The following EP400 variants were observed in gnomAD, a reference collection of about 807,000 sequenced individuals.
EP400 encodes the protein E1A binding protein p400.
In EP400, 105 loss-of-function variants were observed where a neutral mutation model predicts 354.1. The ratio of observed to expected loss-of-function variants is 0.30; its 90% confidence interval spans 0.25 to 0.35. The LOEUF (loss-of-function observed/expected upper bound fraction) is 0.35. Among genes scored for constraint, EP400 ranks in the 10% least tolerant of loss-of-function variants. The pLI, the probability that EP400 is intolerant of heterozygous loss-of-function variation, is 1.00. For missense variants in EP400, 3,280 were observed against 4,121.0 expected (o/e 0.80, Z 5.59); for synonymous variants, 1,646 against 1,716.9 (o/e 0.96, Z 1.02).
At position 132,011,560 on chromosome 12, in the gene EP400, T is replaced by C. The variant is rs1893765976; in HGVS notation, c.3367T>C (p.Leu1123=). 5.6e-6 allele frequency: 9 copies of C among 1,614,158 alleles called. No individual in the cohort carries two copies. Among genetic ancestry groups the C allele is most frequent in the Non-Finnish European group, 7.6e-6 (9 of 1,180,024 alleles). ...SCNILKWELE[L]KRWCPGLKIL... ...TAACATACTCAAGTGGGAGCTTGAA[T>C]TGAAACGTTGGTGTCCCGGACTCAA... The change falls in exon 16 of 53, where the codon TTG becomes CTG. Residue 1123 remains leucine (L), a synonymous_variant. Transcript: ENST00000389561.
chr12:132,021,453 C>T (rs780674985), intron 23 of EP400, 132 bp downstream of exon 23: 17 of 1,288,404 alleles, frequency 1.3e-5, no homozygotes, highest in South Asian at 1.6e-5. Flanking sequence ...CCGGTGCTGC[C>T]TCTCACCAGT....
intron 6 of EP400, 54 bp from the exon 7 acceptor site, chr12:131,987,651 G>A: frequency 6.8e-7 from 1 of 1,480,250 alleles, no homozygotes. Flanking sequence ...GTCTGAGTTG[G>A]TGGAACACAC....
chr12:132,066,751 C>CT (rs1895906170), intron 48 of EP400, 23 bp from the exon 49 acceptor site: 2 of 1,605,900 alleles, frequency 1.2e-6, no homozygotes, highest in Non-Finnish European at 1.7e-6. Flanking sequence ...TCTCTGGACT[C>CT]TCCCATTATT....
At chr12:132,014,306 C>T (rs1019581713) in intron 19 of EP400, among the ~76,000 whole-genome samples, 3 of 152,200 alleles carry the variant, frequency 2.0e-5, no homozygotes, top group Non-Finnish European at 2.9e-5. Flanking sequence ...TGTGGCCCAC[C>T]GGAGGTGGCA....
intron 2 of EP400, among the ~76,000 whole-genome samples, chr12:131,973,871 T>G (rs1161067165): frequency 6.6e-6 from 1 of 152,180 alleles, no homozygotes; most frequent in Admixed American, 6.5e-5. Flanking sequence ...TATAAAAACC[T>G]CCTGATTGGA....
At position 132,017,482 on chromosome 12, in the gene EP400, A is replaced by G. The variant is rs1021485835; in HGVS notation, c.3924-53A>G. 2.7e-5 allele frequency: 43 copies of G among 1,584,426 alleles called. No individual in the cohort carries two copies. Among genetic ancestry groups the G allele is most frequent in the African/African-American group, 4.1e-5 (3 of 74,028 alleles). ...GACAGTCGATGGTGAGGGTGGGACT[A>G]TGTCCATGTGCCGTTTGGATTGAAT... On this transcript the variant is annotated intron_variant, in intron 19 of 52. Transcript: ENST00000389561. This position sits in a 1 kb window ranked among gnomAD's most constrained non-coding sequence, Gnocchi z 5.0.
rs1437736432 is a variant in EP400 at position 131,995,425 on chromosome 12, A to G, written c.2827+469A>G. 2.0e-5 allele frequency among the ~76,000 whole-genome samples: 3 copies of G among 151,558 alleles called. No homozygotes were observed. In the East Asian group the frequency reaches 5.8e-4, roughly 30 times the overall value. Reference sequence around the variant, plus strand: ...CTGAGTGTGTGAGAACTTCATGTGAATGAATCCACCACAGCTTGACTGAAT... The same window carrying G: ...CTGAGTGTGTGAGAACTTCATGTGAGTGAATCCACCACAGCTTGACTGAAT... On this transcript the variant is annotated intron_variant, in intron 12 of 52. Transcript: ENST00000389561.
intron 7 of EP400, among the ~76,000 whole-genome samples, chr12:131,988,299 T>C (rs1051478489): frequency 2.6e-5 from 4 of 152,192 alleles, no homozygotes; most frequent in African/African-American, 9.6e-5. Context: ...GTTGTTGGGA[T>C]CAAGCCTGTG....
chr12:132,074,365 CGTT>C (rs1449449527), intron 51 of EP400, among the ~76,000 whole-genome samples: 9 of 152,084 alleles, frequency 5.9e-5, no homozygotes, highest in Admixed American at 1.3e-4. Context: ...GTTATTGAGA[CGTT>C]GTCTTTGTCT....
At chr12:132,036,971 G>A (rs919429274) in intron 30 of EP400, among the ~76,000 whole-genome samples, 2 of 152,044 alleles carry the variant, frequency 1.3e-5, no homozygotes, top group Non-Finnish European at 2.9e-5. Context: ...GGAATTTTCT[G>A]AAAAAAATTT....
chr12:132,069,498 A>G lies in EP400; in HGVS notation c.8878A>G (p.Thr2960Ala). 6.2e-7 allele frequency: 1 copy of G among 1,614,006 alleles called. No individual in the cohort carries two copies. Among genetic ancestry groups the G allele is most frequent in the Non-Finnish European group, 8.5e-7 (1 of 1,179,912 alleles). ...QGPAAVQQKI[T>A]AQQITTPGAQ... Reference sequence around the variant, plus strand: ...TAATTTCGCAGTCTCTCCCCAGATCACCGCACAGCAGATCACCACCCCTGG... The same window carrying G: ...TAATTTCGCAGTCTCTCCCCAGATCGCCGCACAGCAGATCACCACCCCTGG... Residue 2960 changes from threonine to alanine, a missense_variant, in exon 51 of 53, where the codon ACC (threonine) becomes GCC (alanine). Around this residue, in one of 20 missense-constraint regions of EP400, gnomAD observed 279 missense variants for 386.7 expected, o/e 0.72. Transcript: ENST00000389561.
Position 132,062,303 on chromosome 12 carries a change from T to C in EP400, c.8078T>C (p.Leu2693Ser), listed in dbSNP as rs1427581979. 5 of 1,614,228 alleles carry C rather than the reference T, an allele frequency of 3.1e-6. No homozygotes were observed. Among genetic ancestry groups the C allele is most frequent in the Non-Finnish European group, 4.2e-6 (5 of 1,180,046 alleles). ...CCAGTGCAGACCCCGGCACGGTCTTTGGTGCCCCAAGTGTCCCAAGGTAAA... is the reference window on the plus strand; with the variant it reads ...CCAGTGCAGACCCCGGCACGGTCTTCGGTGCCCCAAGTGTCCCAAGGTAAA... ...LTPVQTPARS[L>S]VPQVSQATGV... The change falls in exon 46 of 53, where the codon TTG becomes TCG. Residue 2693 changes from leucine (L) to serine (S), a missense_variant. Transcript: ENST00000389561.
chr12:131,999,869 C>T (rs1893347498), intron 12 of EP400, among the ~76,000 whole-genome samples: 1 of 151,982 alleles, frequency 6.6e-6, no homozygotes. Context: ...ATAATTTCTC[C>T]TTACAGTGTT....
chr12:132,017,022 T>C lies in EP400; in HGVS notation c.3924-513T>C, dbSNP rs1235248766. On this transcript the variant is annotated intron_variant, in intron 19 of 52. Coordinates refer to ENST00000389561, the MANE Select transcript of EP400 (RefSeq NM_015409.5). This position sits in a 1 kb window ranked among gnomAD's most constrained non-coding sequence, Gnocchi z 5.0. ...AGAGCTACTCCCCACCATGGTCCCATTTCCTGCCCAGCCCTGGTCCCAGTG... is the reference window on the plus strand; with the variant it reads ...AGAGCTACTCCCCACCATGGTCCCACTTCCTGCCCAGCCCTGGTCCCAGTG... Among the ~76,000 whole-genome samples, 1 of 152,198 alleles carries C rather than the reference T, an allele frequency of 6.6e-6. No individual in the cohort carries two copies. The highest frequency in any genetic ancestry group is 2.4e-5 in the African/African-American group (1 of 41,462).
chr12:132,055,851 A>T (rs2136596269), intron 45 of EP400, among the ~76,000 whole-genome samples: 1 of 151,826 alleles, frequency 6.6e-6, no homozygotes, highest in Admixed American at 6.6e-5. Flanking sequence ...CTATTGCCGC[A>T]GGTGCCCCCC....
intron 5 of EP400, among the ~76,000 whole-genome samples, chr12:131,985,354 A>G (rs1269852325): frequency 2.0e-5 from 3 of 152,244 alleles, no homozygotes; most frequent in African/African-American, 7.2e-5. Flanking sequence ...GTGCTGTAAT[A>G]AAGCTTCATT....
At position 132,027,592 on chromosome 12, in the gene EP400, G is replaced by A. The variant is rs530165593; in HGVS notation, c.5109+61G>A. ...ACAGGTAGCTTTCCAAGAGCTGCTC[G>A]TTGTGTTTGGTTGTGATATTTAAAG... On this transcript the variant is annotated intron_variant, in intron 26 of 52. Transcript: ENST00000389561. This position sits in a 1 kb window ranked among gnomAD's most constrained non-coding sequence, Gnocchi z 4.9. The A allele has an allele frequency of 2.1e-5, 28 of 1,344,096 alleles. No individual in the cohort carries two copies. Among genetic ancestry groups the A allele is most frequent in the African/African-American group, 4.4e-5 (3 of 68,566 alleles). 83.3% of individuals were successfully genotyped at this position (1,344,096 alleles called of 1,614,324 possible).
chr12:132,026,079 A>C (rs1358534287), intron 25 of EP400, among the ~76,000 whole-genome samples: 1 of 152,176 alleles, frequency 6.6e-6, no homozygotes, highest in East Asian at 1.9e-4. Context: ...GAATCATGAG[A>C]AATCTTGCTT....
intron 50 of EP400, chr12:132,069,098 A>G (rs2136617316): frequency 5.2e-6 from 1 of 191,194 alleles, no homozygotes; most frequent in Non-Finnish European, 1.1e-5. Flanking sequence ...TGTACTAAAT[A>G]TTTTCTTTAT....
Sources: allele counts gnomAD v4.1 joint callset (sites outside exome capture counted in the v4.1 genomes callset), GRCh38; gene constraint gnomAD v4.1.1; regional missense constraint gnomAD v4.1.1; non-coding constraint Gnocchi (gnomAD v3.1); transcripts MANE v1.5; gene names NCBI Gene and HGNC (gene_info 2026-07-23, HGNC 2026-07-21).